The following DOT1L variants were observed in gnomAD, a reference collection of about 807,000 sequenced individuals.
The protein encoded by DOT1L is histone-lysine N-methyltransferase, H3 lysine-79 specific.
DOT1L carries 33 observed loss-of-function variants against 153.3 expected under a neutral mutation model. That is an observed-to-expected ratio of 0.22 (90% CI 0.16 to 0.29). The LOEUF (loss-of-function observed/expected upper bound fraction) is 0.29. DOT1L is among the 10% of genes least tolerant of loss of function. DOT1L has a pLI of 1.00. For missense variants in DOT1L, 1,847 were observed against 2,119.9 expected (o/e 0.87, Z 2.53); for synonymous variants, 1,135 against 965.1 (o/e 1.18, Z -3.26).
At chr19:2,185,745 G>A (rs2022470197) in intron 2 of DOT1L, 110 bp from the exon 3 acceptor site, 2 of 1,189,580 alleles carry the variant, frequency 1.7e-6, no homozygotes, top group Non-Finnish European at 2.5e-6. Flanking sequence ...CTCCAGCCTG[G>A]GCAACAGAGT....
At position 2,227,315 on chromosome 19, in the gene DOT1L, C is replaced by T. The variant is rs532277681; in HGVS notation, c.4606+188C>T. On this transcript the variant is annotated intron_variant, in intron 27 of 27. Coordinates refer to ENST00000398665, the MANE Select transcript of DOT1L (RefSeq NM_032482.3). ...GTGGGGAGAGGGCTCACGCTGAGTC[C>T]GTGTGTCTTGGGTTCTCTGGTTGTA... is the stretch of plus-strand genomic sequence containing the variant. The T allele has an allele frequency of 5.6e-5, 45 of 807,080 alleles. No homozygotes were observed. The East Asian group carries it at 9.0e-4, about 16-fold the overall frequency. 50.0% of individuals were successfully genotyped at this position (807,080 alleles called of 1,614,324 possible). A position where few individuals can be genotyped will look rare whatever the true frequency, so the allele number is the denominator to read the frequency against.
intron 26 of DOT1L, among the ~76,000 whole-genome samples, chr19:2,225,930 G>C (rs901310530): frequency 1.3e-5 from 2 of 152,046 alleles, no homozygotes; most frequent in African/African-American, 4.8e-5. Flanking sequence ...CCTGTCTTCC[G>C]CCCTCCTGTC....
chr19:2,213,712 A>G lies in DOT1L; in HGVS notation c.1659+72A>G, dbSNP rs561062265. On this transcript the variant is annotated intron_variant, in intron 17 of 27. Transcript: ENST00000398665. Reference sequence around the variant, plus strand: ...GCTGGGGTGGTCCATGTCCGTCGGTATGGCTTCCTGTGGCTTCCTGTCTAT... The same window carrying G: ...GCTGGGGTGGTCCATGTCCGTCGGTGTGGCTTCCTGTGGCTTCCTGTCTAT... The G allele has an allele frequency of 3.4e-5, 55 of 1,603,584 alleles. No homozygotes were observed. In the East Asian group the frequency reaches 4.3e-4, roughly 12 times the overall value.
Position 2,164,279 on chromosome 19 carries a change from T to A in DOT1L, c.81+14T>A. 8.0e-7 allele frequency: 1 copy of A among 1,249,038 alleles called. No homozygotes were observed. 77.4% of individuals were successfully genotyped at this position (1,249,038 alleles called of 1,614,324 possible). ...CTGCCGGTCTACGTGAGTGCCGCCC[T>A]CCACCGTCCCTACCTCCCGGCCTCC... On this transcript the variant is annotated intron_variant, in intron 1 of 27. Transcript: ENST00000398665.
At chr19:2,180,287 C>T (rs1187208746) in intron 1 of DOT1L, among the ~76,000 whole-genome samples, 1 of 152,166 alleles carries the variant, frequency 6.6e-6, no homozygotes, top group African/African-American at 2.4e-5. Context: ...GCTGGAGCAG[C>T]GTCGGGAGAA....
At chr19:2,187,353 C>T (rs1019031542) in intron 3 of DOT1L, among the ~76,000 whole-genome samples, 3 of 152,218 alleles carry the variant, frequency 2.0e-5, no homozygotes, top group African/African-American at 7.2e-5. Flanking sequence ...GCTCACGGCG[C>T]CCCTCCACGT....
chr19:2,205,206 C>T (rs544329844), intron 9 of DOT1L, among the ~76,000 whole-genome samples: 4 of 152,228 alleles, frequency 2.6e-5, no homozygotes, highest in East Asian at 1.9e-4. Flanking sequence ...CTCCTGACCT[C>T]GTGATCTCCC....
chr19:2,201,896 A>G (rs1209879004), intron 8 of DOT1L, among the ~76,000 whole-genome samples: 1 of 152,172 alleles, frequency 6.6e-6, no homozygotes, highest in African/African-American at 2.4e-5. Flanking sequence ...GACTCCTCCC[A>G]CAGGCTGCCC....
chr19:2,227,855 CGCCTCGGCCTCTTCCTTTCAG>C, intron 27 of DOT1L: 11 of 1,283,922 alleles, frequency 8.6e-6, no homozygotes, highest in Non-Finnish European at 1.1e-5. Context: ...CGGCGGCCAG[CGCCTCGGCCTCTTCCTTTCAG>C]GCCCCGGCCT....
chr19:2,223,441 C>A lies in DOT1L; in HGVS notation c.3551C>A (p.Thr1184Asn), dbSNP rs765533871. Residue 1184 changes from threonine to asparagine, a missense_variant, in exon 25 of 28, where the codon ACC becomes AAC. Physicochemically the swap from Thr to Asn is moderately conservative, Grantham distance 65 (BLOSUM62 0). This residue lies in a region of DOT1L where 934 missense variants were observed against 825.3 expected (regional missense o/e 1.13). Transcript: ENST00000398665. ...QTNGAHYSPL[T>N]SDEEPGSEDE... The stretch of plus-strand genomic sequence containing the variant: ...AATGGGGCACACTACTCCCCACTCA[C>A]CTCAGACGAGGAGCCAGGCTCTGAG... The A allele has an allele frequency of 6.2e-7, 1 of 1,613,350 alleles. No individual in the cohort carries two copies.
At position 2,223,141 on chromosome 19, in the gene DOT1L, T is replaced by C. The variant is rs967078110; in HGVS notation, c.3391-140T>C. The C allele has an allele frequency of 1.4e-5, 12 of 839,818 alleles. No homozygotes were observed. The African/African-American group carries it at 1.9e-4, about 13-fold the overall frequency. 52.0% of individuals were successfully genotyped at this position (839,818 alleles called of 1,614,324 possible). A position where few individuals can be genotyped will look rare whatever the true frequency, so the allele number is the denominator to read the frequency against. ...GACCAGGAAGAACCAGGACAGGGGC[T>C]GTACTGGCCGCTGGGCAGGGCATCA... On this transcript the variant is annotated intron_variant, in intron 24 of 27. Coordinates refer to ENST00000398665, the MANE Select transcript of DOT1L (RefSeq NM_032482.3).
In DOT1L at chr19:2,231,605, G is replaced by T; in HGVS notation, c.*1813G>T. The T allele has an allele frequency of 4.9e-6, 1 of 206,038 alleles. No individual in the cohort carries two copies. The highest frequency in any genetic ancestry group is 9.9e-6 in the Non-Finnish European group (1 of 100,838). The allele number at this position is 206,038 out of a possible 1,614,324, so 12.8% of individuals were successfully genotyped here. A position where few individuals can be genotyped will look rare whatever the true frequency, so the allele number is the denominator to read the frequency against. On this transcript the variant is annotated 3_prime_UTR_variant, in exon 28 of 28. Coordinates refer to ENST00000398665, the MANE Select transcript of DOT1L (RefSeq NM_032482.3). ...CCCAGTGCCCTCCCCACCCCACGTT[G>T]GTGCTCTCAGCTAGAAGGTGCTGTG...
chr19:2,225,584 G>C, intron 26 of DOT1L, 132 bp downstream of exon 26: 1 of 1,022,014 alleles, frequency 9.8e-7, no homozygotes, highest in Non-Finnish European at 1.5e-6. Flanking sequence ...GTCGTGTCCT[G>C]CGTGGTGCTG....
rs2024606334 is a variant in DOT1L at position 2,231,718 on chromosome 19, G to GATGGCAGAGACGGCCGAGTCCCTGGTCT, written c.*1928_*1955dup. 1 of 213,630 alleles carries GATGGCAGAGACGGCCGAGTCCCTGGTCT rather than the reference G, an allele frequency of 4.7e-6. No homozygotes were observed. Among genetic ancestry groups the GATGGCAGAGACGGCCGAGTCCCTGGTCT allele is most frequent in the Non-Finnish European group, 9.5e-6 (1 of 105,766 alleles). 13.2% of individuals were successfully genotyped at this position (213,630 alleles called of 1,614,324 possible). Reference sequence around the variant, plus strand: ...CACGGGCCGGATACGCCACAGGGTTGATGGCAGAGACGGCCGAGTCCCTGG... The same window carrying GATGGCAGAGACGGCCGAGTCCCTGGTCT: ...CACGGGCCGGATACGCCACAGGGTTGATGGCAGAGACGGCCGAGTCCCTGGTCTATGGCAGAGACGGCCGAGTCCCTGG... On this transcript the variant is annotated 3_prime_UTR_variant, in exon 28 of 28. Transcript: ENST00000398665.
At position 2,216,367 on chromosome 19, in the gene DOT1L, C is replaced by T. The variant is rs2144865836; in HGVS notation, c.2010C>T (p.Ser670=). The T allele has an allele frequency of 1.2e-6, 2 of 1,612,274 alleles. No individual in the cohort carries two copies. The highest frequency in any genetic ancestry group is 8.5e-7 in the Non-Finnish European group (1 of 1,179,628). Residue 670 remains serine, a synonymous_variant, in exon 20 of 28, where the codon TCC becomes TCT. Coordinates refer to ENST00000398665, the MANE Select transcript of DOT1L (RefSeq NM_032482.3). ...KSCVPPDDAL[S]LHLRGKGALG... ...GTGTGCCGCCTGACGACGCCCTGTC[C>T]CTGCACCTGCGTGGGAAGGGCGCCC...
chr19:2,210,499 G>A lies in DOT1L; in HGVS notation c.1105G>A (p.Asp369Asn), dbSNP rs896711247. ...AGAGGGCAAGGTGGCCGGCCCCGCCGACGCCCCCATGGTAAGGCCCCAGCC... is the reference window on the plus strand; with the variant it reads ...AGAGGGCAAGGTGGCCGGCCCCGCCAACGCCCCCATGGTAAGGCCCCAGCC... ...GPEGKVAGPA[D>N]APMDSGAEEE... is the part of the protein sequence containing the mutation. Residue 369 changes from aspartate (D) to asparagine (N), a missense_variant, in exon 13 of 28, where the codon GAC (aspartate) becomes AAC (asparagine). This residue lies in a region of DOT1L where 205 missense variants were observed against 203.1 expected (regional missense o/e 1.01). Transcript: ENST00000398665. 6 of 1,594,666 alleles carry A rather than the reference G, an allele frequency of 3.8e-6. 1 individual carries two copies. Among genetic ancestry groups the A allele is most frequent in the Non-Finnish European group, 5.1e-6 (6 of 1,171,564 alleles).
At chr19:2,182,436 G>T (rs111235851) in intron 2 of DOT1L, among the ~76,000 whole-genome samples, 2 of 152,104 alleles carry the variant, frequency 1.3e-5, no homozygotes, top group East Asian at 3.9e-4. Context: ...AGCTACTTGC[G>T]GGGCTGAGGT....
At chr19:2,169,875 G>A (rs1250975693) in intron 1 of DOT1L, among the ~76,000 whole-genome samples, 1 of 152,224 alleles carries the variant, frequency 6.6e-6, no homozygotes, top group African/African-American at 2.4e-5. Context: ...ACACACGGTT[G>A]CCCAGGCACG....
intron 27 of DOT1L, 54 bp downstream of exon 27, chr19:2,227,181 C>T (rs772414208): frequency 1.3e-5 from 20 of 1,581,874 alleles, no homozygotes; most frequent in East Asian, 9.0e-5. Context: ...CCGGAGGCCC[C>T]TTCCTTTGCA....
Sources: allele counts gnomAD v4.1 joint callset (sites outside exome capture counted in the v4.1 genomes callset), GRCh38; gene constraint gnomAD v4.1.1; regional missense constraint gnomAD v4.1.1; transcripts MANE v1.5; gene names NCBI Gene and HGNC (gene_info 2026-07-23, HGNC 2026-07-21).